The following PSD3 variants were observed in gnomAD, a reference collection of about 807,000 sequenced individuals.
The protein encoded by PSD3 is PH and SEC7 domain-containing protein 3.
In PSD3, 49 loss-of-function variants were observed where a neutral mutation model predicts 105.5. The observed-to-expected ratio is 0.46, with a 90% confidence interval of 0.37 to 0.59. The LOEUF (loss-of-function observed/expected upper bound fraction) is 0.59. Ranked by LOEUF, PSD3 falls within the 20% of genes least tolerant of loss-of-function variation. The pLI is 0.00. For synonymous variants in PSD3, 557 were observed against 457.8 expected (o/e 1.22, Z -2.77); for missense variants, 1,561 against 1,263.8 (o/e 1.24, Z -3.57).
chr8:18,683,297 A>AG (rs1258296108), intron 9 of PSD3, among the ~76,000 whole-genome samples: 1 of 152,218 alleles, frequency 6.6e-6, no homozygotes, highest in Non-Finnish European at 1.5e-5. Flanking sequence ...GTAGTATAAT[A>AG]GGACCAGGTC....
intron 9 of PSD3, among the ~76,000 whole-genome samples, chr8:18,740,909 G>A (rs10096440): frequency 0.035 from 5,251 of 152,168 alleles, 284 homozygotes; most frequent in East Asian, 0.25. Flanking sequence ...AGTGACTTCC[G>A]GCTTTTCTCT....
At chr8:18,577,911 C>T (rs1802561917) in intron 12 of PSD3, among the ~76,000 whole-genome samples, 1 of 151,996 alleles carries the variant, frequency 6.6e-6, no homozygotes, top group Non-Finnish European at 1.5e-5. Context: ...CATACCTTTG[C>T]TATTTTCTCT....
At chr8:19,022,905 C>G (rs911573923) in intron 1 of PSD3, among the ~76,000 whole-genome samples, 18 of 151,502 alleles carry the variant, frequency 1.2e-4, no homozygotes, top group African/African-American at 3.4e-4. Flanking sequence ...GATGTTGTCC[C>G]AAATCCACTT....
chr8:18,540,709 C>G (rs565783759), intron 15 of PSD3, among the ~76,000 whole-genome samples: 2 of 152,284 alleles, frequency 1.3e-5, no homozygotes, highest in South Asian at 4.1e-4. Context: ...TCCACGTGCA[C>G]TCCTTTCAAA....
intron 8 of PSD3, among the ~76,000 whole-genome samples, chr8:18,775,429 T>C (rs79441119): frequency 1.3e-5 from 2 of 152,128 alleles, no homozygotes; most frequent in African/African-American, 2.4e-5. Flanking sequence ...TCAATGAGCA[T>C]TCACACTCTT....
intron 1 of PSD3, among the ~76,000 whole-genome samples, chr8:19,076,833 T>G (rs2063079): frequency 1.1e-4 from 16 of 152,020 alleles, no homozygotes; most frequent in Admixed American, 9.8e-4. Flanking sequence ...ATACAGCTAC[T>G]GGTGCGACTC....
intron 1 of PSD3, among the ~76,000 whole-genome samples, chr8:19,052,490 A>G (rs1781155721): frequency 6.6e-6 from 1 of 151,932 alleles, no homozygotes; most frequent in African/African-American, 2.4e-5. Context: ...AAAAAAGAAA[A>G]AGAAAAAGAA....
At chr8:18,609,716 G>A (rs1031123067) in intron 11 of PSD3, among the ~76,000 whole-genome samples, 1 of 152,206 alleles carries the variant, frequency 6.6e-6, no homozygotes, top group Non-Finnish European at 1.5e-5. Context: ...CAATTGATGT[G>A]CAAAGAATTT....
intron 8 of PSD3, among the ~76,000 whole-genome samples, chr8:18,784,748 G>T (rs887832867): frequency 6.6e-6 from 1 of 152,166 alleles, no homozygotes; most frequent in African/African-American, 2.4e-5. Flanking sequence ...GGTCCTAAGT[G>T]TTGGGGCTTC....
intron 12 of PSD3, among the ~76,000 whole-genome samples, chr8:18,596,455 A>T (rs1022170881): frequency 5.9e-5 from 9 of 152,076 alleles, no homozygotes; most frequent in African/African-American, 2.2e-4. Flanking sequence ...AGATTAGAGC[A>T]GAAATAAATG....
intron 1 of PSD3, among the ~76,000 whole-genome samples, chr8:19,055,690 G>A (rs971798729): frequency 1.3e-5 from 2 of 152,218 alleles, no homozygotes; most frequent in Non-Finnish European, 2.9e-5. Context: ...TCATGATACA[G>A]ACTGTTGACA....
chr8:18,725,481 T>G (rs1425327383), intron 9 of PSD3, among the ~76,000 whole-genome samples: 1 of 152,134 alleles, frequency 6.6e-6, no homozygotes, highest in Non-Finnish European at 1.5e-5. Flanking sequence ...GCGGGCTAGC[T>G]TTTGATTTCT....
At chr8:18,660,945 T>A (rs1809302493) in intron 9 of PSD3, among the ~76,000 whole-genome samples, 1 of 152,210 alleles carries the variant, frequency 6.6e-6, no homozygotes, top group Non-Finnish European at 1.5e-5. Flanking sequence ...CTGGTCTAAA[T>A]TTAATTTTAA....
chr8:18,894,795 T>C (rs1320573036), intron 2 of PSD3, among the ~76,000 whole-genome samples: 2 of 152,148 alleles, frequency 1.3e-5, no homozygotes, highest in Non-Finnish European at 2.9e-5. Context: ...AAGTAAACCA[T>C]AACCAGGAGA....
chr8:19,078,087 G>A (rs932941690), intron 1 of PSD3, among the ~76,000 whole-genome samples: 7 of 152,110 alleles, frequency 4.6e-5, no homozygotes, highest in Non-Finnish European at 1.0e-4. Context: ...CTGGAGTAGA[G>A]TGGCACAGTC....
At chr8:18,714,581 T>C (rs1802464587) in intron 9 of PSD3, among the ~76,000 whole-genome samples, 1 of 152,164 alleles carries the variant, frequency 6.6e-6, no homozygotes, top group South Asian at 2.1e-4. Context: ...CACAATGAGA[T>C]ACCATTTCAC....
intron 9 of PSD3, among the ~76,000 whole-genome samples, chr8:18,692,150 A>C (rs1262200156): frequency 1.3e-5 from 2 of 152,230 alleles, no homozygotes; most frequent in Non-Finnish European, 2.9e-5. Context: ...ACATCTGTTT[A>C]AATTCTGTTC....
chr8:18,759,630 A>T (rs1806345673), intron 9 of PSD3, among the ~76,000 whole-genome samples: 1 of 152,190 alleles, frequency 6.6e-6, no homozygotes, highest in Non-Finnish European at 1.5e-5. Flanking sequence ...GAGCAGTATC[A>T]GAGTATTAAA....
intron 1 of PSD3, among the ~76,000 whole-genome samples, chr8:18,984,887 A>C (rs959277932): frequency 6.6e-6 from 1 of 152,150 alleles, no homozygotes; most frequent in African/African-American, 2.4e-5. Context: ...TAACCAGCTC[A>C]ATGTCACCAG....
Sources: allele counts gnomAD v4.1 joint callset (sites outside exome capture counted in the v4.1 genomes callset), GRCh38; gene constraint gnomAD v4.1.1; transcripts MANE v1.5; gene names NCBI Gene and HGNC (gene_info 2026-07-23, HGNC 2026-07-21).